Variants in THBD observed in about 807,000 individuals in gnomAD.
THBD encodes the protein thrombomodulin.
For synonymous variants in THBD, 449 were observed against 374.2 expected, an observed-to-expected ratio of 1.20 and a Z score of -2.31; for missense variants, 850 against 816.9, an observed-to-expected ratio of 1.04 and a Z score of -0.49.
In THBD at chr20:23,046,216, C is replaced by T. The variant is rs1217892820; in HGVS notation, c.*1561G>A. On this transcript the variant is annotated 3_prime_UTR_variant, in exon 1 of 1. Transcript: ENST00000377103. ...TTCCTAGCTTAGCTGAACCAAAGACCTTGCAGACCCTGTGTGGCAGTGTCT... is the reference window on the plus strand; with the variant it reads ...TTCCTAGCTTAGCTGAACCAAAGACTTTGCAGACCCTGTGTGGCAGTGTCT... 6.6e-6 allele frequency: 1 copy of T among 152,620 alleles called. No individual in the cohort carries two copies. Among genetic ancestry groups the T allele is most frequent in the Non-Finnish European group, 1.5e-5 (1 of 68,046 alleles). The allele number at this position is 152,620 out of a possible 1,614,324, so 9.5% of individuals were successfully genotyped here. A position where few individuals can be genotyped will look rare whatever the true frequency, so the allele number is the denominator to read the frequency against.
chr20:23,047,372 G>C lies in THBD; in HGVS notation c.*405C>G, dbSNP rs1291943436. 4.8e-6 allele frequency: 1 copy of C among 206,518 alleles called. No homozygotes were observed. The highest frequency in any genetic ancestry group is 9.9e-6 in the Non-Finnish European group (1 of 101,074). 12.8% of individuals were successfully genotyped at this position (206,518 alleles called of 1,614,324 possible). ...GCAAAGTGGATACTGGAGACATACA[G>C]GTAAGAACAAAGGAAACAAACAAAA... On this transcript the variant is annotated 3_prime_UTR_variant, in exon 1 of 1. Transcript: ENST00000377103.
Position 23,047,745 on chromosome 20 carries a change from T to C in THBD, c.*32A>G, listed in dbSNP as rs1984608508. The C allele has an allele frequency of 1.9e-6, 3 of 1,543,564 alleles. No homozygotes were observed. The highest frequency in any genetic ancestry group is 1.4e-5 in the African/African-American group (1 of 73,502). ...CTGGGGGTGAGGAGGCACAGGCTCC[T>C]GGACGGAGCCAGGCTCCTGGACGGA... On this transcript the variant is annotated 3_prime_UTR_variant, in exon 1 of 1. Transcript: ENST00000377103.
rs766720452 is a variant in THBD, at chr20:23,049,326, A to T, written c.179T>A (p.Met60Lys). The T allele has an allele frequency of 6.3e-7, 1 of 1,599,796 alleles. No homozygotes were observed. The highest frequency in any genetic ancestry group is 1.1e-5 in the South Asian group (1 of 89,072). Residue 60 changes from methionine (M) to lysine (K), a missense_variant, in exon 1 of 1, where the codon ATG becomes AAG. Transcript: ENST00000377103. ...QICDGLRGHLMTVRSSVAADV... is the reference protein window; with the variant it reads ...QICDGLRGHLKTVRSSVAADV... The stretch of plus-strand genomic sequence containing the variant: ...GGCAGCCACCGAGGAGCGCACTGTC[A>T]TTAGGTGGCCCCGCAGTCCGTCGCA...
At position 23,048,824 on chromosome 20, in the gene THBD, C is replaced by A. The variant is rs562719364; in HGVS notation, c.681G>T (p.Pro227=). The change falls in exon 1 of 1, where the codon CCG becomes CCT. Residue 227 remains proline, a synonymous_variant. Transcript: ENST00000377103. ...PLGLQLMCTA[P]PGAVQGHWAR... is the part of the protein sequence containing the mutation. ...CCCAGTGCCCCTGGACCGCTCCGGGCGGCGCGGTGCACATTAGCTGTAAGC... is the reference window on the plus strand; with the variant it reads ...CCCAGTGCCCCTGGACCGCTCCGGGAGGCGCGGTGCACATTAGCTGTAAGC... 25 of 1,514,944 alleles carry A rather than the reference C, an allele frequency of 1.7e-5. No individual in the cohort carries two copies. Among genetic ancestry groups the A allele is most frequent in the African/African-American group, 8.3e-5 (6 of 72,234 alleles). The allele number at this position is 1,514,944 out of a possible 1,614,324, so 93.8% of individuals were successfully genotyped here.
rs754342536 is a variant in THBD, at chr20:23,049,228, G to T, written c.277C>A (p.Pro93Thr). 7.3e-5 allele frequency: 113 copies of T among 1,555,962 alleles called. No individual in the cohort carries two copies. The highest frequency in any genetic ancestry group is 9.4e-5 in the Non-Finnish European group (108 of 1,150,346). Residue 93 changes from proline to threonine, a missense_variant, in exon 1 of 1, where the codon CCA (proline) becomes ACA (threonine). Coordinates refer to ENST00000377103, the MANE Select transcript of THBD (RefSeq NM_000361.3). Reference sequence around the variant, plus strand: ...CGCTTGGGGTCGCCGCAGCCGGGTGGCAGCTGCAGGCCGATCCAGAGGCGC... The same window carrying T: ...CGCTTGGGGTCGCCGCAGCCGGGTGTCAGCTGCAGGCCGATCCAGAGGCGC... ...RRRLWIGLQL[P>T]PGCGDPKRLG...
At position 23,047,632 on chromosome 20, in the gene THBD, T is replaced by C; in HGVS notation, c.*145A>G. ...TCCCTCTAATCACCCCCTCGCCAGT[T>C]AGCCATGGAATAGAAGAAAACAGCT... On this transcript the variant is annotated 3_prime_UTR_variant, in exon 1 of 1. Transcript: ENST00000377103. 1.0e-6 allele frequency: 1 copy of C among 982,532 alleles called. No homozygotes were observed. Among genetic ancestry groups the C allele is most frequent in the South Asian group, 1.7e-5 (1 of 59,006 alleles). The allele number at this position is 982,532 out of a possible 1,614,324, so 60.9% of individuals were successfully genotyped here.
chr20:23,048,687 A>T lies in THBD; in HGVS notation c.818T>A (p.Leu273Gln). The T allele has an allele frequency of 6.3e-7, 1 of 1,586,824 alleles. No individual in the cohort carries two copies. Among genetic ancestry groups the T allele is most frequent in the Non-Finnish European group, 8.5e-7 (1 of 1,173,766 alleles). ...GGTGCAGGAGCGCCCGTCTGCCTGC[A>T]GGGCGGCGCCGGCTGGGCACTGGCA... ...PRCQCPAGAA[L>Q]QADGRSCTAS... Residue 273 changes from leucine to glutamine, a missense_variant, in exon 1 of 1, where the codon CTG becomes CAG. Transcript: ENST00000377103.
In THBD at chr20:23,048,416, C is replaced by A. The variant is rs1389807012; in HGVS notation, c.1089G>T (p.Val363=). The A allele has an allele frequency of 6.2e-6, 10 of 1,613,852 alleles. No individual in the cohort carries two copies. The highest frequency in any genetic ancestry group is 8.5e-6 in the Non-Finnish European group (10 of 1,180,042). ...CTCTGAAGCACGGGTCCACGGGCTC[C>A]ACACACTCGCCGTCCACCAGGTCGT... The part of the protein sequence containing the change: ...PNYDLVDGEC[V]EPVDPCFRAN... Residue 363 remains valine (V), a synonymous_variant, in exon 1 of 1, where the codon GTG becomes GTT. Transcript: ENST00000377103.
chr20:23,049,408 G>T lies in THBD; in HGVS notation c.97C>A (p.His33Asn). 1 of 1,589,500 alleles carries T rather than the reference G, an allele frequency of 6.3e-7. No homozygotes were observed. Among genetic ancestry groups the T allele is most frequent in the Non-Finnish European group, 8.6e-7 (1 of 1,169,188 alleles). Residue 33 changes from histidine to asparagine, a missense_variant, in exon 1 of 1, where the codon CAC (histidine) becomes AAC (asparagine). Physicochemically the swap from His to Asn is moderately conservative, Grantham distance 68. Transcript: ENST00000377103. The stretch of plus-strand genomic sequence containing the variant: ...CCCGGGTAGAGCGCGAAGCAGTCGT[G>T]CTCGACGCACTGGCTGCCACCCGGC... ...PQPGGSQCVE[H>N]DCFALYPGPA...
chr20:23,047,577 C>G lies in THBD; in HGVS notation c.*200G>C. The G allele has an allele frequency of 1.5e-6, 1 of 651,686 alleles. No homozygotes were observed. Among genetic ancestry groups the G allele is most frequent in the Non-Finnish European group, 2.6e-6 (1 of 385,366 alleles). The allele number at this position is 651,686 out of a possible 1,614,324, so 40.4% of individuals were successfully genotyped here. On this transcript the variant is annotated 3_prime_UTR_variant, in exon 1 of 1. Transcript: ENST00000377103. Reference sequence around the variant, plus strand: ...CCATCATTGCCCAGTGGTCCAGTGACGTCACGGAAGAGGCCGAGGCTCATT... The same window carrying G: ...CCATCATTGCCCAGTGGTCCAGTGAGGTCACGGAAGAGGCCGAGGCTCATT...
Position 23,048,827 on chromosome 20 carries a change from C to CG in THBD, c.677dup (p.Pro227AlafsTer102). On this transcript the variant is annotated frameshift_variant, in exon 1 of 1. Coordinates refer to ENST00000377103, the MANE Select transcript of THBD (RefSeq NM_000361.3). LOFTEE classifies it low-confidence loss of function (END_TRUNC). ...AGTGCCCCTGGACCGCTCCGGGCGG[C>CG]GCGGTGCACATTAGCTGTAAGCCGA... 2 of 1,514,542 alleles carry CG rather than the reference C, an allele frequency of 1.3e-6. No homozygotes were observed. Among genetic ancestry groups the CG allele is most frequent in the Non-Finnish European group, 1.8e-6 (2 of 1,135,886 alleles). The allele number at this position is 1,514,542 out of a possible 1,614,324, so 93.8% of individuals were successfully genotyped here. A position where few individuals can be genotyped will look rare whatever the true frequency, so the allele number is the denominator to read the frequency against.
At position 23,048,227 on chromosome 20, in the gene THBD, C is replaced by G. The variant is rs1029201192; in HGVS notation, c.1278G>C (p.Glu426Asp). ...CGTCCAGGATGTAGCCTTCAGGGCA[C>G]TCACAGCTAGCCTGGGTGTTGGGGT... Reference protein sequence around the residue: ...DCDPNTQASCECPEGYILDDG... With the variant: ...DCDPNTQASCDCPEGYILDDG... Residue 426 changes from glutamate (E) to aspartate (D), a missense_variant, in exon 1 of 1, where the codon GAG becomes GAC. Transcript: ENST00000377103. 6.2e-7 allele frequency: 1 copy of G among 1,614,044 alleles called. No individual in the cohort carries two copies. The highest frequency in any genetic ancestry group is 8.5e-7 in the Non-Finnish European group (1 of 1,180,052).
chr20:23,046,470 G>A lies in THBD; in HGVS notation c.*1307C>T, dbSNP rs1224020499. 1 of 152,216 alleles carries A rather than the reference G, an allele frequency of 6.6e-6. No homozygotes were observed. The highest frequency in any genetic ancestry group is 6.5e-5 in the Admixed American group (1 of 15,288). 9.4% of individuals were successfully genotyped at this position (152,216 alleles called of 1,614,324 possible). A position where few individuals can be genotyped will look rare whatever the true frequency, so the allele number is the denominator to read the frequency against. ...ATTCTCATGAACTGGATGGGGTGGAGCCTAGGATTCTGCATTTCTAACCAG... is the reference window on the plus strand; with the variant it reads ...ATTCTCATGAACTGGATGGGGTGGAACCTAGGATTCTGCATTTCTAACCAG... On this transcript the variant is annotated 3_prime_UTR_variant, in exon 1 of 1. Transcript: ENST00000377103.
In THBD at chr20:23,048,799, C is replaced by T; in HGVS notation, c.706G>A (p.Ala236Thr). Residue 236 changes from alanine (A) to threonine (T), a missense_variant, in exon 1 of 1, where the codon GCC (alanine) becomes ACC (threonine). By Grantham distance (58) the Ala-to-Thr change is moderately conservative. Coordinates refer to ENST00000377103, the MANE Select transcript of THBD (RefSeq NM_000361.3). ...TCCCAAGCGCCCGGCGCCTCCCTGG[C>T]CCAGTGCCCCTGGACCGCTCCGGGC... ...APPGAVQGHW[A>T]REAPGAWDCS... 6.5e-7 allele frequency: 1 copy of T among 1,537,460 alleles called. No homozygotes were observed. The highest frequency in any genetic ancestry group is 8.7e-7 in the Non-Finnish European group (1 of 1,148,406).
Position 23,047,739 on chromosome 20 carries a change from GGCTCCTGGACGGAGC to G in THBD, c.*23_*37del. ...GCAAAGCTGGGGGTGAGGAGGCACAGGCTCCTGGACGGAGCCAGGCTCCTGGACGGAGGCCGCTCA... is the reference window on the plus strand; with the variant it reads ...GCAAAGCTGGGGGTGAGGAGGCACAGCAGGCTCCTGGACGGAGGCCGCTCA... On this transcript the variant is annotated 3_prime_UTR_variant, in exon 1 of 1. Coordinates refer to ENST00000377103, the MANE Select transcript of THBD (RefSeq NM_000361.3). 2 of 1,530,236 alleles carry G rather than the reference GGCTCCTGGACGGAGC, an allele frequency of 1.3e-6. No individual in the cohort carries two copies. The highest frequency in any genetic ancestry group is 1.8e-6 in the Non-Finnish European group (2 of 1,136,202). The allele number at this position is 1,530,236 out of a possible 1,614,324, so 94.8% of individuals were successfully genotyped here. A position where few individuals can be genotyped will look rare whatever the true frequency, so the allele number is the denominator to read the frequency against.
chr20:23,048,628 C>G lies in THBD; in HGVS notation c.877G>C (p.Glu293Gln), dbSNP rs765071586. Reference protein sequence around the residue: ...SATQSCNDLCEHFCVPNPDQP... With the variant: ...SATQSCNDLCQHFCVPNPDQP... ...TCGGGGTTGGGAACGCAGAAGTGCT[C>G]GCAGAGGTCGTTGCAGGACTGCGTC... Residue 293 changes from glutamate to glutamine, a missense_variant, in exon 1 of 1, where the codon GAG becomes CAG. Transcript: ENST00000377103. The G allele has an allele frequency of 1.3e-6, 2 of 1,597,120 alleles. No homozygotes were observed. Among genetic ancestry groups the G allele is most frequent in the Admixed American group, 3.3e-5 (2 of 59,780 alleles).
chr20:23,047,785 T>C lies in THBD; in HGVS notation c.1720A>G (p.Arg574Gly). Residue 574 changes from arginine (R) to glycine (G), a missense_variant, in exon 1 of 1, where the codon AGA becomes GGA. By Grantham distance (125) the Arg-to-Gly change is moderately radical. Transcript: ENST00000377103. ...TCCTGGACGGAGGCCGCTCAGAGTCTCTGCGGCGTCCGCTCGGTCCGCACG... is the reference window on the plus strand; with the variant it reads ...TCCTGGACGGAGGCCGCTCAGAGTCCCTGCGGCGTCCGCTCGGTCCGCACG... ...QHVRTERTPQ[R>G]L 1 of 1,584,180 alleles carries C rather than the reference T, an allele frequency of 6.3e-7. No homozygotes were observed. Among genetic ancestry groups the C allele is most frequent in the Non-Finnish European group, 8.6e-7 (1 of 1,166,356 alleles).
rs764012702 is a variant in THBD at position 23,048,690 on chromosome 20, G to A, written c.815C>T (p.Ala272Val). Residue 272 changes from alanine to valine, a missense_variant, in exon 1 of 1, where the codon GCC (alanine) becomes GTC (valine). Physicochemically the swap from Ala to Val is moderately conservative, Grantham distance 64. Transcript: ENST00000377103. Reference protein sequence around the residue: ...APRCQCPAGAALQADGRSCTA... With the variant: ...APRCQCPAGAVLQADGRSCTA... Reference sequence around the variant, plus strand: ...GCAGGAGCGCCCGTCTGCCTGCAGGGCGGCGCCGGCTGGGCACTGGCAGCG... The same window carrying A: ...GCAGGAGCGCCCGTCTGCCTGCAGGACGGCGCCGGCTGGGCACTGGCAGCG... 7 of 1,585,742 alleles carry A rather than the reference G, an allele frequency of 4.4e-6. No homozygotes were observed. The highest frequency in any genetic ancestry group is 3.4e-5 in the Admixed American group (2 of 58,392).
Position 23,048,924 on chromosome 20 carries a change from C to A in THBD, c.581G>T (p.Gly194Val). The A allele has an allele frequency of 6.5e-7, 1 of 1,535,710 alleles. No homozygotes were observed. Among genetic ancestry groups the A allele is most frequent in the Non-Finnish European group, 8.7e-7 (1 of 1,144,402 alleles). ...AAAAAVSITY[G>V]TPFAARGADF... Reference sequence around the variant, plus strand: ...CGCTCCGCGGGCCGCGAACGGGGTGCCGTAGGTGATCGAGACGGCGGCAGC... The same window carrying A: ...CGCTCCGCGGGCCGCGAACGGGGTGACGTAGGTGATCGAGACGGCGGCAGC... The change falls in exon 1 of 1, where the codon GGC (glycine) becomes GTC (valine). Residue 194 changes from glycine to valine, a missense_variant. Transcript: ENST00000377103.
Sources: allele counts gnomAD v4.1 joint callset, GRCh38; gene constraint gnomAD v4.1.1; transcripts MANE v1.5; gene names NCBI Gene and HGNC (gene_info 2026-07-23, HGNC 2026-07-21).